Variants in COL4A1 observed in about 807,000 individuals in gnomAD.
COL4A1 encodes collagen type IV alpha 1 chain.
Under a neutral mutation model 216.6 loss-of-function variants are expected in COL4A1, and 40 were observed. The observed-to-expected ratio is 0.18, with a 90% confidence interval of 0.14 to 0.24. The LOEUF is 0.24. Ranked by LOEUF, COL4A1 falls within the 10% of genes least tolerant of loss-of-function variation. The pLI is 1.00. For missense variants in COL4A1, 1,628 were observed against 2,196.8 expected (o/e 0.74, Z 5.18); for synonymous variants, 839 against 810.7 (o/e 1.03, Z -0.59).
chr13:110,237,775 G>T (rs1881387266), intron 2 of COL4A1, among the ~76,000 whole-genome samples: 1 of 152,232 alleles, frequency 6.6e-6, no homozygotes, highest in Admixed American at 6.5e-5. Flanking sequence ...CAGAGAGACA[G>T]GTTTATACAA....
Position 110,161,401 on chromosome 13 carries a change from T to C in COL4A1, c.4463-32A>G, listed in dbSNP as rs542431028. On this transcript the variant is annotated intron_variant, in intron 48 of 51. Transcript: ENST00000375820. ...AAGGAAGAAGACAATGTGAGATGTT[T>C]CCTTTATAATTCACAATCTATCTCT... 1.1e-5 allele frequency: 17 copies of C among 1,574,930 alleles called. No individual in the cohort carries two copies. The South Asian group carries it at 1.6e-4, about 15-fold the overall frequency.
intron 1 of COL4A1, among the ~76,000 whole-genome samples, chr13:110,290,767 T>A (rs904909351): frequency 2.6e-5 from 4 of 152,174 alleles, no homozygotes; most frequent in African/African-American, 7.2e-5. Flanking sequence ...AACAAAGAAA[T>A]CTATAACTGG....
intron 1 of COL4A1, among the ~76,000 whole-genome samples, chr13:110,302,829 A>G (rs1259598878): frequency 6.6e-6 from 1 of 152,230 alleles, no homozygotes; most frequent in Non-Finnish European, 1.5e-5. Context: ...AGGAAGAACA[A>G]TGCTCTAACA....
chr13:110,222,361 CA>C (rs1167264877), intron 2 of COL4A1, among the ~76,000 whole-genome samples: 1 of 152,176 alleles, frequency 6.6e-6, no homozygotes, highest in Non-Finnish European at 1.5e-5. Context: ...CCAACGGCCT[CA>C]ATCAGGGCTT....
chr13:110,240,462 C>T (rs1015555720), intron 2 of COL4A1, among the ~76,000 whole-genome samples: 1 of 152,228 alleles, frequency 6.6e-6, no homozygotes, highest in Non-Finnish European at 1.5e-5. Flanking sequence ...TGGCATGGAG[C>T]CTCCCTCGGG....
intron 18 of COL4A1, among the ~76,000 whole-genome samples, chr13:110,202,645 T>C (rs1879301907): frequency 6.6e-6 from 1 of 152,174 alleles, no homozygotes; most frequent in African/African-American, 2.4e-5. Context: ...AACATTTTCA[T>C]TATTTCAAAA....
At chr13:110,218,029 T>G (rs1352738341) in intron 2 of COL4A1, among the ~76,000 whole-genome samples, 2 of 152,208 alleles carry the variant, frequency 1.3e-5, no homozygotes, top group Non-Finnish European at 2.9e-5. Context: ...AAGCAAATAC[T>G]CTAATAAGCT....
chr13:110,285,548 A>C (rs1214824018), intron 1 of COL4A1, among the ~76,000 whole-genome samples: 2 of 152,176 alleles, frequency 1.3e-5, no homozygotes, highest in East Asian at 3.8e-4. Flanking sequence ...ATATCTGGTG[A>C]AACGGTATTT....
rs764059421 is a variant in COL4A1 at position 110,179,338 on chromosome 13, G to C, written c.2277C>G (p.Ser759Arg). Residue 759 changes from serine to arginine, a missense_variant, in exon 30 of 52, where the codon AGC (serine) becomes AGG (arginine). This residue lies in a region of COL4A1 where 701 missense variants were observed against 892.5 expected (regional missense o/e 0.79). Transcript: ENST00000375820. ...CTCCAGGAACGCCTGGTACCCCAAT[G>C]CTCCCCTTCTCCCCGGGTGTGCCAG... ...GIPGTPGEKGSIGVPGVPGEH... is the reference protein window; with the variant it reads ...GIPGTPGEKGRIGVPGVPGEH... 2 of 1,613,978 alleles carry C rather than the reference G, an allele frequency of 1.2e-6. No individual in the cohort carries two copies. Among genetic ancestry groups the C allele is most frequent in the African/African-American group, 2.7e-5 (2 of 74,876 alleles).
At chr13:110,256,949 A>G (rs1374363657) in intron 1 of COL4A1, among the ~76,000 whole-genome samples, 3 of 152,244 alleles carry the variant, frequency 2.0e-5, no homozygotes, top group Non-Finnish European at 4.4e-5. Context: ...CAGACACCAG[A>G]CATGTCTTTA....
intron 19 of COL4A1, among the ~76,000 whole-genome samples, 181 bp from the exon 20 acceptor site, chr13:110,201,070 C>T (rs142875547): frequency 6.6e-6 from 1 of 152,232 alleles, no homozygotes; most frequent in Non-Finnish European, 1.5e-5. Context: ...GCTCTCAAAG[C>T]TACAGCGAAG....
At chr13:110,178,786 A>C in intron 31 of COL4A1, 137 bp downstream of exon 31, 2 of 691,384 alleles carry the variant, frequency 2.9e-6, no homozygotes. Flanking sequence ...TATTTTCACA[A>C]ACTCGAGTTT....
chr13:110,305,536 A>C (rs1313180474), intron 1 of COL4A1, among the ~76,000 whole-genome samples: 1 of 152,226 alleles, frequency 6.6e-6, no homozygotes, highest in African/African-American at 2.4e-5. Context: ...TCACCATCTC[A>C]CCTTGGAAGC....
intron 44 of COL4A1, among the ~76,000 whole-genome samples, chr13:110,166,777 G>A (rs553578508): frequency 7.0e-4 from 107 of 152,284 alleles, no homozygotes; most frequent in Non-Finnish European, 1.3e-3. Flanking sequence ...ACACCTTGAG[G>A]CTGCGACCTG....
At chr13:110,164,712 A>C in intron 46 of COL4A1, 150 bp downstream of exon 46, 1 of 1,191,186 alleles carries the variant, frequency 8.4e-7, no homozygotes. Flanking sequence ...AGGTTTTGAT[A>C]TGCATTGAAG....
chr13:110,198,251 C>T (rs1057399923), intron 21 of COL4A1, among the ~76,000 whole-genome samples: 5 of 152,110 alleles, frequency 3.3e-5, no homozygotes, highest in African/African-American at 7.2e-5. Context: ...TTATTTACTC[C>T]GTTAAACCAG....
At chr13:110,257,752 T>C (rs961144899) in intron 1 of COL4A1, among the ~76,000 whole-genome samples, 1 of 152,178 alleles carries the variant, frequency 6.6e-6, no homozygotes, top group Admixed American at 6.5e-5. Flanking sequence ...AATACATAAA[T>C]AGAGTTTACC....
At chr13:110,152,547 C>T in intron 50 of COL4A1, 41 bp from the exon 51 acceptor site, 2 of 1,586,080 alleles carry the variant, frequency 1.3e-6, no homozygotes, top group African/African-American at 1.3e-5. Flanking sequence ...GGTTCCCTCC[C>T]CAAACACCAG....
At chr13:110,205,824 T>C (rs550941447) in intron 15 of COL4A1, among the ~76,000 whole-genome samples, 2 of 151,898 alleles carry the variant, frequency 1.3e-5, no homozygotes, top group African/African-American at 4.8e-5. Flanking sequence ...GATCACACCA[T>C]TGCACTCCAG....
Sources: gnomAD v4.1 joint callset for allele counts (sites outside exome capture counted in the v4.1 genomes callset) on GRCh38, gnomAD v4.1.1 for gene constraint, gnomAD v4.1.1 regional missense constraint, MANE v1.5 for transcripts, NCBI Gene and HGNC (gene_info 2026-07-23, HGNC 2026-07-21) for gene names.